Variants in TCF12 observed in about 807,000 individuals in gnomAD.
TCF12 encodes the protein DNA-binding protein HTF4.
In TCF12, 45 loss-of-function variants were observed where a neutral mutation model predicts 86.0. That is an observed-to-expected ratio of 0.52 (90% CI 0.41 to 0.67). The LOEUF is 0.67. Ranked by LOEUF, TCF12 falls within the 30% of genes least tolerant of loss-of-function variation. The pLI, the probability that TCF12 is intolerant of heterozygous loss-of-function variation, is 0.00. For synonymous variants in TCF12, 330 were observed against 299.6 expected, an observed-to-expected ratio of 1.10 and a Z score of -1.05; for missense variants, 881 against 859.9, an observed-to-expected ratio of 1.02 and a Z score of -0.31.
chr15:56,923,819 T>C (rs1240936670), intron 3 of TCF12, among the ~76,000 whole-genome samples: 1 of 152,132 alleles, frequency 6.6e-6, no homozygotes, highest in Non-Finnish European at 1.5e-5. Context: ...CTGTAGATAT[T>C]GAGCATCTCT....
intron 12 of TCF12, among the ~76,000 whole-genome samples, chr15:57,239,255 G>A (rs979691068): frequency 6.6e-6 from 1 of 152,124 alleles, no homozygotes; most frequent in Non-Finnish European, 1.5e-5. Flanking sequence ...GGAGGCTGGG[G>A]CAGGAGAATC....
intron 20 of TCF12, among the ~76,000 whole-genome samples, chr15:57,282,850 C>A (rs1439892212): frequency 6.6e-6 from 1 of 152,200 alleles, no homozygotes; most frequent in Non-Finnish European, 1.5e-5. Flanking sequence ...TCGGAGTCAT[C>A]ATGTGTACTC....
chr15:57,188,365 T>A (rs1386280422), intron 6 of TCF12, among the ~76,000 whole-genome samples: 10 of 152,222 alleles, frequency 6.6e-5, no homozygotes, highest in Non-Finnish European at 1.3e-4. Context: ...TTCAGTCCAT[T>A]TGAACACTTA....
intron 5 of TCF12, among the ~76,000 whole-genome samples, chr15:57,125,050 C>T (rs1404476090): frequency 6.6e-6 from 1 of 152,196 alleles, no homozygotes. Context: ...TATGTCTAAG[C>T]ATTGCCTTAG....
intron 6 of TCF12, among the ~76,000 whole-genome samples, chr15:57,173,769 G>A (rs1232664819): frequency 6.6e-6 from 1 of 150,946 alleles, no homozygotes; most frequent in Non-Finnish European, 1.5e-5. Flanking sequence ...GTGAAGTGGT[G>A]CTATCTCGGC....
chr15:57,163,941 C>A (rs114559485), intron 5 of TCF12, among the ~76,000 whole-genome samples: 3 of 152,012 alleles, frequency 2.0e-5, no homozygotes, highest in Non-Finnish European at 4.4e-5. Flanking sequence ...TTGGCAGGTC[C>A]GGTTTCTAAA....
At chr15:57,251,286 C>T (rs1272457905) in intron 13 of TCF12, 64 bp from the exon 14 acceptor site, 11 of 1,406,220 alleles carry the variant, frequency 7.8e-6, no homozygotes, top group East Asian at 2.3e-5. Flanking sequence ...TTACCCTTTC[C>T]TTCACAACAT....
intron 8 of TCF12, among the ~76,000 whole-genome samples, chr15:57,222,813 T>G (rs1825145735): frequency 7.7e-6 from 1 of 129,500 alleles, no homozygotes; most frequent in African/African-American, 2.8e-5. Flanking sequence ...GATTCTGGAG[T>G]GCCTTACTCC....
intron 3 of TCF12, among the ~76,000 whole-genome samples, chr15:57,046,204 A>G (rs1180488059): frequency 1.3e-5 from 2 of 152,250 alleles, no homozygotes; most frequent in African/African-American, 2.4e-5. Flanking sequence ...TAACAGAGGA[A>G]GAAGCAGACT....
At chr15:57,202,570 G>A (rs1234091136) in intron 8 of TCF12, among the ~76,000 whole-genome samples, 1 of 151,724 alleles carries the variant, frequency 6.6e-6, no homozygotes, top group African/African-American at 2.4e-5. Flanking sequence ...TGAGTAGCTG[G>A]GACTACAGGT....
intron 4 of TCF12, among the ~76,000 whole-genome samples, chr15:57,081,696 C>G (rs972401378): frequency 1.3e-5 from 2 of 152,138 alleles, no homozygotes; most frequent in Admixed American, 6.5e-5. Context: ...TGCCACTACA[C>G]CCGGCTAATG....
chr15:57,160,039 A>G (rs974522633), intron 5 of TCF12, among the ~76,000 whole-genome samples: 3 of 152,356 alleles, frequency 2.0e-5, no homozygotes. Context: ...ATTGATAACA[A>G]CAGAGCACAC....
intron 8 of TCF12, among the ~76,000 whole-genome samples, chr15:57,220,571 G>C (rs963367399): frequency 6.6e-5 from 10 of 151,956 alleles, no homozygotes; most frequent in Admixed American, 2.6e-4. Flanking sequence ...CACATGACTA[G>C]GTGTTTTAAA....
intron 3 of TCF12, among the ~76,000 whole-genome samples, chr15:57,062,256 G>A (rs918721902): frequency 2.0e-5 from 3 of 151,886 alleles, no homozygotes; most frequent in Non-Finnish European, 2.9e-5. Context: ...GTGCCCGGCC[G>A]GTAACAGTGT....
At chr15:56,993,833 T>C (rs1217494945) in intron 3 of TCF12, among the ~76,000 whole-genome samples, 7 of 152,204 alleles carry the variant, frequency 4.6e-5, no homozygotes, top group Non-Finnish European at 7.3e-5. Context: ...CATAGCAATA[T>C]GTTAAAATTC....
At chr15:57,178,374 A>C (rs141698810) in intron 6 of TCF12, among the ~76,000 whole-genome samples, 7 of 152,176 alleles carry the variant, frequency 4.6e-5, no homozygotes, top group East Asian at 1.9e-4. Context: ...ATGCCTAACT[A>C]TATGTCTAAT....
chr15:57,274,587 G>T (rs967981432), intron 19 of TCF12, among the ~76,000 whole-genome samples: 19 of 151,910 alleles, frequency 1.3e-4, no homozygotes, highest in African/African-American at 4.1e-4. Flanking sequence ...TTTACCAATG[G>T]TTTTTTTTCT....
intron 5 of TCF12, among the ~76,000 whole-genome samples, chr15:57,153,066 G>A (rs1179992944): frequency 6.6e-6 from 1 of 152,152 alleles, no homozygotes; most frequent in African/African-American, 2.4e-5. Context: ...TTAAAACTGT[G>A]TCAACCCGGA....
intron 3 of TCF12, among the ~76,000 whole-genome samples, chr15:56,962,408 T>C (rs1234648854): frequency 1.3e-5 from 2 of 152,218 alleles, no homozygotes; most frequent in Admixed American, 1.3e-4. Flanking sequence ...TTTTTGTTCT[T>C]AGTCGCCTTT....
Sources: allele counts gnomAD v4.1 joint callset (sites outside exome capture counted in the v4.1 genomes callset), GRCh38; gene constraint gnomAD v4.1.1; transcripts MANE v1.5; gene names NCBI Gene and HGNC (gene_info 2026-07-23, HGNC 2026-07-21).